GNAO1: variants seen among roughly 807,000 people sequenced by gnomAD.
GNAO1 encodes G protein subunit alpha o1, also known as guanine nucleotide-binding protein G(o) subunit alpha.
For synonymous variants in GNAO1, 164 were observed against 180.7 expected, an observed-to-expected ratio of 0.91 and a Z score of 0.74; for missense variants, 166 against 478.7, an observed-to-expected ratio of 0.35 and a Z score of 6.10.
At chr16:56,259,373 C>T (rs1426341382) in intron 2 of GNAO1, among the ~76,000 whole-genome samples, 1 of 152,044 alleles carries the variant, frequency 6.6e-6, no homozygotes, top group Non-Finnish European at 1.5e-5. Flanking sequence ...ATTTGTGCCA[C>T]ATCTAATGCT....
At chr16:56,299,477 C>G (rs1196259785) in intron 3 of GNAO1, among the ~76,000 whole-genome samples, 1 of 152,248 alleles carries the variant, frequency 6.6e-6, no homozygotes, top group African/African-American at 2.4e-5. Flanking sequence ...CTTCACTGTG[C>G]TTCCTCACCC....
At chr16:56,261,330 T>C (rs1160101142) in intron 2 of GNAO1, among the ~76,000 whole-genome samples, 2 of 152,206 alleles carry the variant, frequency 1.3e-5, no homozygotes, top group Non-Finnish European at 2.9e-5. Context: ...GTCCACCATC[T>C]GGGGCAACGC....
At chr16:56,291,109 T>A (rs2037228099) in intron 3 of GNAO1, among the ~76,000 whole-genome samples, 1 of 152,222 alleles carries the variant, frequency 6.6e-6, no homozygotes, top group Non-Finnish European at 1.5e-5. Flanking sequence ...GACTCATGTT[T>A]TCATTTCTCT....
intron 2 of GNAO1, among the ~76,000 whole-genome samples, chr16:56,198,407 C>CTTGT (rs2036252825): frequency 6.6e-6 from 1 of 152,178 alleles, no homozygotes; most frequent in African/African-American, 2.4e-5. Context: ...AGAGCAGTGG[C>CTTGT]TTGTTAACTG....
chr16:56,227,925 G>A (rs1179471654), intron 2 of GNAO1, among the ~76,000 whole-genome samples: 1 of 152,096 alleles, frequency 6.6e-6, no homozygotes, highest in African/African-American at 2.4e-5. Context: ...GAGCTGAGTG[G>A]AAGCTGCCAT....
At chr16:56,214,353 G>A (rs1425686615) in intron 2 of GNAO1, among the ~76,000 whole-genome samples, 9 of 152,166 alleles carry the variant, frequency 5.9e-5, no homozygotes, top group South Asian at 2.1e-4. Flanking sequence ...GGGCTCCACC[G>A]TAGACGTGCT....
intron 4 of GNAO1, 137 bp downstream of exon 4, chr16:56,328,928 G>C: frequency 2.5e-6 from 2 of 802,774 alleles, no homozygotes; most frequent in East Asian, 2.7e-5. Flanking sequence ...CCCATAGGTA[G>C]AGGGTGTCAG....
chr16:56,343,673 G>C, intron 6 of GNAO1: 1 of 1,027,806 alleles, frequency 9.7e-7, no homozygotes, highest in African/African-American at 1.6e-5. Context: ...GCCCAAGGCC[G>C]GATGGCCACA....
At chr16:56,250,196 G>T (rs1246853090) in intron 2 of GNAO1, among the ~76,000 whole-genome samples, 1 of 152,206 alleles carries the variant, frequency 6.6e-6, no homozygotes, top group Non-Finnish European at 1.5e-5. Flanking sequence ...CGGGGTTGAT[G>T]AGTTGTATAC....
intron 2 of GNAO1, among the ~76,000 whole-genome samples, chr16:56,234,682 T>C (rs1346583244): frequency 1.3e-5 from 2 of 152,154 alleles, no homozygotes; most frequent in Middle Eastern, 3.2e-3. Context: ...GTACAGGAGT[T>C]TTTGAGGGAG....
chr16:56,199,168 C>T (rs2036259832), intron 2 of GNAO1, among the ~76,000 whole-genome samples: 1 of 152,152 alleles, frequency 6.6e-6, no homozygotes, highest in Non-Finnish European at 1.5e-5. Flanking sequence ...ATGGTTTTAT[C>T]CCATGGGGGT....
At chr16:56,318,335 C>A (rs2037534746) in intron 3 of GNAO1, among the ~76,000 whole-genome samples, 1 of 152,248 alleles carries the variant, frequency 6.6e-6, no homozygotes, top group Admixed American at 6.5e-5. Context: ...AGGCTGGGCC[C>A]CCCCAGCGGC....
chr16:56,347,399 C>T (rs1485733713), intron 6 of GNAO1: 9 of 985,584 alleles, frequency 9.1e-6, no homozygotes, highest in Non-Finnish European at 1.1e-5. Context: ...ACAGGGCCGG[C>T]GTGTGAGCTG....
intron 6 of GNAO1, among the ~76,000 whole-genome samples, chr16:56,337,352 G>A (rs745823941): frequency 1.3e-5 from 2 of 152,210 alleles, no homozygotes; most frequent in Non-Finnish European, 2.9e-5. Flanking sequence ...GTTGCGTGGG[G>A]TTGGGGGTGC....
intron 3 of GNAO1, among the ~76,000 whole-genome samples, chr16:56,319,328 G>A (rs1405835928): frequency 6.6e-6 from 1 of 152,190 alleles, no homozygotes; most frequent in Non-Finnish European, 1.5e-5. Context: ...GTGTGGCACA[G>A]GACAGACAGG....
chr16:56,263,850 C>T (rs1283028689), intron 2 of GNAO1, among the ~76,000 whole-genome samples: 1 of 152,208 alleles, frequency 6.6e-6, no homozygotes, highest in East Asian at 1.9e-4. Flanking sequence ...GGGCAATATA[C>T]ATAGAAAATG....
chr16:56,257,078 A>AAT (rs2036858072), intron 2 of GNAO1, among the ~76,000 whole-genome samples: 1 of 152,142 alleles, frequency 6.6e-6, no homozygotes, highest in Non-Finnish European at 1.5e-5. Flanking sequence ...GCACTCATTA[A>AAT]ATTCCCTTTT....
chr16:56,341,891 C>T (rs1022596508), intron 6 of GNAO1, among the ~76,000 whole-genome samples: 2 of 152,240 alleles, frequency 1.3e-5, no homozygotes, highest in Non-Finnish European at 2.9e-5. Flanking sequence ...CTCAGCCCGA[C>T]CTGCCCTGAG....
intron 2 of GNAO1, among the ~76,000 whole-genome samples, chr16:56,226,771 T>C (rs2036536558): frequency 1.3e-5 from 2 of 152,168 alleles, no homozygotes; most frequent in Non-Finnish European, 2.9e-5. Flanking sequence ...CACAGAACAA[T>C]AAACCGAGGA....
Sources: gnomAD v4.1 joint callset for allele counts (sites outside exome capture counted in the v4.1 genomes callset) on GRCh38, gnomAD v4.1.1 for gene constraint, MANE v1.5 for transcripts, NCBI Gene and HGNC (gene_info 2026-07-23, HGNC 2026-07-21) for gene names.